SLC26A7: variants seen among roughly 807,000 people sequenced by gnomAD.
SLC26A7 encodes anion exchange transporter.
A neutral mutation model predicts 82.5 loss-of-function variants in SLC26A7; 59 were observed. The ratio of observed to expected loss-of-function variants is 0.72; its 90% CI spans 0.58 to 0.89. SLC26A7 has a LOEUF of 0.89. Ranked by LOEUF, SLC26A7 falls within the 40% of genes least tolerant of loss-of-function variation. The pLI is 0.00. For synonymous variants in SLC26A7, 271 were observed against 274.3 expected, an observed-to-expected ratio of 0.99 and a Z score of 0.12; for missense variants, 820 against 793.0, an observed-to-expected ratio of 1.03 and a Z score of -0.41.
intron 2 of SLC26A7, among the ~76,000 whole-genome samples, chr8:91,268,568 C>A (rs1811177708): frequency 6.6e-6 from 1 of 151,516 alleles, no homozygotes. Context: ...ATAGTTGGAC[C>A]TTATTTTATT....
At chr8:91,211,830 G>A (rs977413784) in intron 1 of SLC26A7, among the ~76,000 whole-genome samples, 26 of 151,974 alleles carry the variant, frequency 1.7e-4, no homozygotes, top group African/African-American at 4.8e-4. Context: ...ACACTCAAAG[G>A]AGGGAGACAC....
At chr8:91,281,042 A>G (rs4639475) in intron 2 of SLC26A7, among the ~76,000 whole-genome samples, 16,855 of 152,128 alleles carry the variant, frequency 0.11, 1,633 homozygotes, top group African/African-American at 0.26. Context: ...ACCTCATCAC[A>G]ATTTCTCCCA....
intron 2 of SLC26A7, among the ~76,000 whole-genome samples, chr8:91,234,193 T>C (rs1485961188): frequency 1.3e-5 from 2 of 152,216 alleles, no homozygotes; most frequent in African/African-American, 2.4e-5. Flanking sequence ...CATCTTTCTG[T>C]GTGTTAAATG....
At chr8:91,263,663 C>G (rs1449834851) in intron 2 of SLC26A7, among the ~76,000 whole-genome samples, 1 of 152,052 alleles carries the variant, frequency 6.6e-6, no homozygotes, top group Non-Finnish European at 1.5e-5. Flanking sequence ...CTTCCTATCA[C>G]CTTTGCAAGG....
At chr8:91,234,886 T>TTC (rs368880426) in intron 2 of SLC26A7, among the ~76,000 whole-genome samples, 7,763 of 143,986 alleles carry the variant, frequency 0.054, 244 homozygotes, top group African/African-American at 0.086. Context: ...CCTCCTTCCT[T>TTC]TCTCTCTCTC....
In SLC26A7 at chr8:91,395,061, G is replaced by C; in HGVS notation, c.1936-1G>C. The C allele has an allele frequency of 6.2e-7, 1 of 1,613,328 alleles. No individual in the cohort carries two copies. Among genetic ancestry groups the C allele is most frequent in the Non-Finnish European group, 8.5e-7 (1 of 1,179,336 alleles). On this transcript the variant is annotated splice_acceptor_variant, in intron 18 of 18. Coordinates refer to ENST00000276609, the MANE Select transcript of SLC26A7 (RefSeq NM_052832.4). LOFTEE classifies it high-confidence loss of function. ...ACTTACTTCTTCCTCTGGTATTTCA[G>C]AATTTGAGCAAACTCAGTGACCACA...
At chr8:91,330,050 A>G (rs990870203) in intron 5 of SLC26A7, among the ~76,000 whole-genome samples, 1 of 152,166 alleles carries the variant, frequency 6.6e-6, no homozygotes, top group Non-Finnish European at 1.5e-5. Context: ...GTAGCATGGA[A>G]TAAAATAGAA....
intron 3 of SLC26A7, among the ~76,000 whole-genome samples, chr8:91,293,083 G>A (rs976902051): frequency 7.2e-5 from 11 of 152,250 alleles, no homozygotes; most frequent in African/African-American, 2.6e-4. Flanking sequence ...TCAAAATTTT[G>A]TAATAGGTAT....
chr8:91,358,402 C>T (rs1050867697), intron 11 of SLC26A7, among the ~76,000 whole-genome samples: 3 of 149,942 alleles, frequency 2.0e-5, no homozygotes, highest in Non-Finnish European at 3.0e-5. Flanking sequence ...AATCTTGGCT[C>T]ACTGCAAGCT....
intron 4 of SLC26A7, among the ~76,000 whole-genome samples, chr8:91,310,025 C>T (rs539999023): frequency 1.7e-4 from 26 of 152,166 alleles, no homozygotes; most frequent in African/African-American, 5.5e-4. Flanking sequence ...AAGATATTAG[C>T]GAGAAGCTGC....
At chr8:91,231,082 A>C (rs747007552) in intron 2 of SLC26A7, among the ~76,000 whole-genome samples, 1 of 152,190 alleles carries the variant, frequency 6.6e-6, no homozygotes, top group Non-Finnish European at 1.5e-5. Flanking sequence ...TGTGGGTGCC[A>C]AGTAGCAAGG....
chr8:91,394,975 G>A, intron 18 of SLC26A7, 87 bp from the exon 19 acceptor site: 1 of 1,444,372 alleles, frequency 6.9e-7, no homozygotes, highest in Non-Finnish European at 9.7e-7. Context: ...TGGACAGCTT[G>A]CTTCAGTTAC....
chr8:91,225,561 ATTTTTT>A (rs893654824), intron 2 of SLC26A7, among the ~76,000 whole-genome samples: 1 of 66,958 alleles, frequency 1.5e-5, no homozygotes, highest in Non-Finnish European at 3.0e-5. Context: ...GCTTATTATG[ATTTTTT>A]TTTTTTTTTT....
intron 3 of SLC26A7, among the ~76,000 whole-genome samples, chr8:91,294,704 G>T (rs1811969522): frequency 6.6e-6 from 1 of 152,156 alleles, no homozygotes; most frequent in South Asian, 2.1e-4. Flanking sequence ...GCATTCTCAG[G>T]CATGCTGTGC....
Position 91,321,085 on chromosome 8 carries a change from G to A in SLC26A7, c.642+2705G>A, listed in dbSNP as rs531597747. On this transcript the variant is annotated intron_variant, in intron 5 of 18. Transcript: ENST00000276609. Reference sequence around the variant, plus strand: ...GGTCTATTTATTCTGCCACTGTGTGGTTTCTACAGTGCCTTCCTCACAGGG... The same window carrying A: ...GGTCTATTTATTCTGCCACTGTGTGATTTCTACAGTGCCTTCCTCACAGGG... Among the ~76,000 whole-genome samples, 23 of 152,260 alleles carry A rather than the reference G, an allele frequency of 1.5e-4. No individual in the cohort carries two copies. In the South Asian group the frequency reaches 4.6e-3, roughly 30 times the overall value.
At chr8:91,371,390 C>T (rs1489749557) in intron 15 of SLC26A7, among the ~76,000 whole-genome samples, 1 of 151,764 alleles carries the variant, frequency 6.6e-6, no homozygotes, top group Non-Finnish European at 1.5e-5. Flanking sequence ...CTCCTCATTT[C>T]CTACCCTCCC....
At chr8:91,282,609 A>G (rs958651375) in intron 2 of SLC26A7, among the ~76,000 whole-genome samples, 3 of 152,186 alleles carry the variant, frequency 2.0e-5, no homozygotes, top group Non-Finnish European at 4.4e-5. Context: ...GCTCCTTCCT[A>G]GCCCTGCCAA....
chr8:91,300,602 A>G (rs905126639), intron 4 of SLC26A7, among the ~76,000 whole-genome samples: 1 of 152,028 alleles, frequency 6.6e-6, no homozygotes, highest in Middle Eastern at 3.4e-3. Context: ...TTTCACCGTT[A>G]TAGCCGGGAT....
intron 2 of SLC26A7, among the ~76,000 whole-genome samples, chr8:91,255,140 A>G (rs1810766319): frequency 6.6e-6 from 1 of 152,146 alleles, no homozygotes; most frequent in Admixed American, 6.6e-5. Context: ...GGGGTGGAAT[A>G]TGAGAATGTT....
Sources: allele counts gnomAD v4.1 joint callset (sites outside exome capture counted in the v4.1 genomes callset), GRCh38; gene constraint gnomAD v4.1.1; transcripts MANE v1.5; gene names NCBI Gene and HGNC (gene_info 2026-07-23, HGNC 2026-07-21).